The following ARHGAP15 variants were observed in gnomAD, a reference collection of about 807,000 sequenced individuals.
ARHGAP15 encodes the protein Rho GTPase activating protein 15.
A neutral mutation model predicts 63.7 loss-of-function variants in ARHGAP15; 51 were observed. The ratio of observed to expected loss-of-function variants is 0.80; its 90% CI spans 0.64 to 1.01. ARHGAP15 has a LOEUF of 1.01. Ranked by LOEUF, ARHGAP15 falls within the 50% of genes least tolerant of loss-of-function variation. The pLI, the probability that ARHGAP15 is intolerant of heterozygous loss-of-function variation, is 0.00. For synonymous variants in ARHGAP15, 191 were observed against 193.8 expected (o/e 0.99, Z 0.12); for missense variants, 560 against 564.6 (o/e 0.99, Z 0.08).
At chr2:143,421,015 A>C (rs913580856) in intron 6 of ARHGAP15, among the ~76,000 whole-genome samples, 8 of 152,164 alleles carry the variant, frequency 5.3e-5, no homozygotes, top group African/African-American at 1.9e-4. Context: ...AGGGACTTGA[A>C]AACAAATAGC....
Position 143,403,783 on chromosome 2 carries a change from T to C in ARHGAP15, c.475-31818T>C, listed in dbSNP as rs903185005. Among the ~76,000 whole-genome samples, 8 of 152,012 alleles carry C rather than the reference T, an allele frequency of 5.3e-5. No homozygotes were observed. The East Asian group carries it at 1.4e-3, about 26-fold the overall frequency. ...TTATTTAAATTTTGTAAAATAATCG[T>C]TCTATAAAATCACTCAATCCCTTTG... On this transcript the variant is annotated intron_variant, in intron 6 of 13. Coordinates refer to ENST00000295095, the MANE Select transcript of ARHGAP15 (RefSeq NM_018460.4).
At chr2:143,598,468 C>T (rs1697617159) in intron 11 of ARHGAP15, among the ~76,000 whole-genome samples, 1 of 152,142 alleles carries the variant, frequency 6.6e-6, no homozygotes, top group Non-Finnish European at 1.5e-5. Context: ...GGTCACCATC[C>T]GCTGTAAGGT....
intron 1 of ARHGAP15, among the ~76,000 whole-genome samples, chr2:143,148,570 A>AATTTACC (rs1276985206): frequency 6.6e-6 from 1 of 152,050 alleles, no homozygotes; most frequent in Non-Finnish European, 1.5e-5. Flanking sequence ...ACTGTATTAC[A>AATTTACC]ATTTACCATG....
At chr2:143,426,225 A>G (rs534404832) in intron 6 of ARHGAP15, among the ~76,000 whole-genome samples, 3 of 152,192 alleles carry the variant, frequency 2.0e-5, no homozygotes, top group Admixed American at 6.6e-5. Context: ...TCTTTAGACT[A>G]TATCACCACC....
intron 2 of ARHGAP15, among the ~76,000 whole-genome samples, chr2:143,176,056 G>A (rs1029057383): frequency 3.9e-5 from 6 of 152,158 alleles, no homozygotes; most frequent in African/African-American, 7.2e-5. Flanking sequence ...ATCATTCCAC[G>A]GTTATGCTTG....
intron 5 of ARHGAP15, among the ~76,000 whole-genome samples, chr2:143,231,438 G>A (rs930656317): frequency 2.0e-5 from 3 of 152,170 alleles, no homozygotes; most frequent in African/African-American, 7.2e-5. Context: ...ATAAAATGCT[G>A]TCTCAGAGCA....
chr2:143,488,902 T>C (rs1692445877), intron 9 of ARHGAP15, among the ~76,000 whole-genome samples: 1 of 152,202 alleles, frequency 6.6e-6, no homozygotes, highest in Admixed American at 6.5e-5. Flanking sequence ...CTCAGACTTT[T>C]ACTCTCCGAT....
intron 6 of ARHGAP15, among the ~76,000 whole-genome samples, chr2:143,257,357 AATAAC>A (rs1161849762): frequency 6.6e-6 from 1 of 152,132 alleles, no homozygotes; most frequent in Non-Finnish European, 1.5e-5. Context: ...GTAATTCCAA[AATAAC>A]ATAAAACAAA....
chr2:143,490,783 C>T (rs1692551473), intron 9 of ARHGAP15, among the ~76,000 whole-genome samples: 2 of 152,142 alleles, frequency 1.3e-5, no homozygotes, highest in Admixed American at 1.3e-4. Flanking sequence ...CCATGCCCCA[C>T]TGTTTTTTTG....
chr2:143,512,433 C>T (rs1693630985), intron 9 of ARHGAP15, among the ~76,000 whole-genome samples: 1 of 152,108 alleles, frequency 6.6e-6, no homozygotes, highest in South Asian at 2.1e-4. Flanking sequence ...AGGACCATCC[C>T]CAAGGGAATC....
chr2:143,525,352 CT>C (rs1268622567), intron 10 of ARHGAP15, among the ~76,000 whole-genome samples: 8 of 131,018 alleles, frequency 6.1e-5, no homozygotes, highest in African/African-American at 2.1e-4. Context: ...AAATTACATG[CT>C]CCAAAAAAAA....
At chr2:143,160,681 A>C (rs964473443) in intron 2 of ARHGAP15, among the ~76,000 whole-genome samples, 3 of 151,966 alleles carry the variant, frequency 2.0e-5, no homozygotes, top group Non-Finnish European at 2.9e-5. Context: ...ACAGATGAAA[A>C]AGTTTGTTAG....
At chr2:143,726,222 C>T (rs1376871270) in intron 13 of ARHGAP15, among the ~76,000 whole-genome samples, 4 of 152,144 alleles carry the variant, frequency 2.6e-5, no homozygotes, top group African/African-American at 9.7e-5. Context: ...AAATTAAGAA[C>T]AAGTCTGTGG....
intron 1 of ARHGAP15, among the ~76,000 whole-genome samples, chr2:143,154,851 T>C (rs1407437762): frequency 1.3e-5 from 2 of 151,932 alleles, no homozygotes; most frequent in East Asian, 3.9e-4. Flanking sequence ...TTAAAATAAA[T>C]GGTGCTGATT....
intron 6 of ARHGAP15, among the ~76,000 whole-genome samples, chr2:143,431,303 A>G (rs1037453019): frequency 6.6e-6 from 1 of 152,070 alleles, no homozygotes; most frequent in African/African-American, 2.4e-5. Flanking sequence ...TCTTAATTCT[A>G]TCATTTAAAA....
chr2:143,384,471 C>T (rs1370423542), intron 6 of ARHGAP15, among the ~76,000 whole-genome samples: 1 of 151,298 alleles, frequency 6.6e-6, no homozygotes, highest in Non-Finnish European at 1.5e-5. Context: ...CGGAGACTAA[C>T]TAAATTAGCT....
intron 8 of ARHGAP15, among the ~76,000 whole-genome samples, chr2:143,454,813 GAACA>G (rs780893833): frequency 9.2e-5 from 14 of 152,060 alleles, no homozygotes; most frequent in Non-Finnish European, 1.8e-4. Flanking sequence ...CTTATTTAGG[GAACA>G]AACAAAGATG....
chr2:143,413,966 T>TGTGTGCACGCGCGC, intron 6 of ARHGAP15, among the ~76,000 whole-genome samples: 3 of 117,910 alleles, frequency 2.5e-5, no homozygotes, highest in Non-Finnish European at 1.7e-5. Flanking sequence ...TGTGTGTGTG[T>TGTGTGCACGCGCGC]GCGCGCTCTC....
intron 3 of ARHGAP15, among the ~76,000 whole-genome samples, chr2:143,214,748 C>T (rs1280359017): frequency 6.6e-6 from 1 of 152,124 alleles, no homozygotes; most frequent in Admixed American, 6.5e-5. Context: ...AAAATGTATT[C>T]ATCAAATGCA....
Sources: gnomAD v4.1 joint callset for allele counts (sites outside exome capture counted in the v4.1 genomes callset) on GRCh38, gnomAD v4.1.1 for gene constraint, MANE v1.5 for transcripts, NCBI Gene and HGNC (gene_info 2026-07-23, HGNC 2026-07-21) for gene names.